The following ZNF285 variants were observed in gnomAD, a reference collection of about 807,000 sequenced individuals.
ZNF285 encodes zinc finger protein 285A.
Under a neutral mutation model 6.2 loss-of-function variants are expected in ZNF285, and 4 were observed. The observed-to-expected ratio is 0.65, with a 90% CI of 0.32 to 1.49. The LOEUF (loss-of-function observed/expected upper bound fraction) is 1.49. ZNF285 is among the 40% of genes most tolerant of loss of function. ZNF285 has a pLI of 0.07. For missense variants in ZNF285, 695 were observed against 708.8 expected, an observed-to-expected ratio of 0.98 and a Z score of 0.22; for synonymous variants, 240 against 245.8, an observed-to-expected ratio of 0.98 and a Z score of 0.22.
At chr19:44,390,709 T>C (rs1971179030) in intron 3 of ZNF285, among the ~76,000 whole-genome samples, 1 of 151,838 alleles carries the variant, frequency 6.6e-6, no homozygotes, top group Non-Finnish European at 1.5e-5. Context: ...TCTGGCTGTG[T>C]CCCCACCCAA....
chr19:44,385,991 A>T lies in ZNF285; in HGVS notation c.*481T>A, dbSNP rs1971061974. 1 of 163,486 alleles carries T rather than the reference A, an allele frequency of 6.1e-6. No homozygotes were observed. The highest frequency in any genetic ancestry group is 2.4e-5 in the African/African-American group (1 of 41,518). The allele number at this position is 163,486 out of a possible 1,614,324, so 10.1% of individuals were successfully genotyped here. ...CTTCTATGGAGCTTCTTGCCTGTGT[A>T]GAGAATCTCATGGAAAACCTGGGTA... On this transcript the variant is annotated 3_prime_UTR_variant, in exon 4 of 4. Coordinates refer to ENST00000614994, the MANE Select transcript of ZNF285 (RefSeq NM_152354.6).
At position 44,382,586 on chromosome 19, in the gene ZNF285, T is replaced by C. The variant is rs1365727316; in HGVS notation, c.*3886A>G. ...GTGCTGGGATTAGGACTAAGTTTTA[T>C]AGGGAAAACATGTAAGCTAAGGGTC... On this transcript the variant is annotated 3_prime_UTR_variant, in exon 4 of 4. Transcript: ENST00000614994. The C allele has an allele frequency of 1.3e-5, 2 of 151,850 alleles. No homozygotes were observed. The highest frequency in any genetic ancestry group is 4.8e-5 in the African/African-American group (2 of 41,250). The allele number at this position is 151,850 out of a possible 1,614,324, so 9.4% of individuals were successfully genotyped here.
At chr19:44,399,828 G>A (rs201967803) in intron 1 of ZNF285, among the ~76,000 whole-genome samples, 1 of 152,116 alleles carries the variant, frequency 6.6e-6, no homozygotes, top group East Asian at 1.9e-4. Context: ...CTATCCTGGG[G>A]AGTGACAGGG....
chr19:44,386,909 G>A lies in ZNF285; in HGVS notation c.1336C>T (p.His446Tyr), dbSNP rs751126010. 56 of 1,614,058 alleles carry A rather than the reference G, an allele frequency of 3.5e-5. No homozygotes were observed. Among genetic ancestry groups the A allele is most frequent in the Admixed American group, 8.3e-5 (5 of 59,992 alleles). The change falls in exon 4 of 4, where the codon CAC (histidine) becomes TAC (tyrosine). Residue 446 changes from histidine (H) to tyrosine (Y), a missense_variant. Transcript: ENST00000614994. ...TTCTCCCCTGTGTGGACTCTCTGGT[G>A]AATGTGAAGGTGTGTACATTGGCTG... Reference protein sequence around the residue: ...GFSQCTHLHIHQRVHTGEKPY... With the variant: ...GFSQCTHLHIYQRVHTGEKPY...
Position 44,401,206 on chromosome 19 carries a change from T to C in ZNF285, c.-44+362A>G, listed in dbSNP as rs150719240. ...CAGTCCAGCCATTACTCCAAAACCC[T>C]GAGCCAGCGCCCCTCTGCCCTCATC... is the stretch of plus-strand genomic sequence containing the variant. On this transcript the variant is annotated intron_variant, in intron 1 of 3. Transcript: ENST00000614994. 7.1e-3 allele frequency among the ~76,000 whole-genome samples: 1,088 copies of C among 152,240 alleles called. 16 individuals are homozygous for C. The highest frequency in any genetic ancestry group is 0.027 in the Middle Eastern group (8 of 294).
At chr19:44,388,146 T>A (rs1209777091) in intron 3 of ZNF285, 44 bp from the exon 4 acceptor site, 1 of 1,567,476 alleles carries the variant, frequency 6.4e-7, no homozygotes, top group South Asian at 1.2e-5. Context: ...AAGTCAATCA[T>A]CCATCCAGAG....
In ZNF285 at chr19:44,386,783, C is replaced by T. The variant is rs1447125576; in HGVS notation, c.1462G>A (p.Val488Met). The change falls in exon 4 of 4, where the codon GTG (valine) becomes ATG (methionine). Residue 488 changes from valine to methionine, a missense_variant. Transcript: ENST00000614994. Reference sequence around the variant, plus strand: ...CTGTAACTGAAGCACTTTCCACACACTTCACATTTATATGGTTTTTCTCCA... The same window carrying T: ...CTGTAACTGAAGCACTTTCCACACATTTCACATTTATATGGTTTTTCTCCA... Reference protein sequence around the residue: ...HTGEKPYKCEVCGKCFSYSSY... With the variant: ...HTGEKPYKCEMCGKCFSYSSY... The T allele has an allele frequency of 3.1e-6, 5 of 1,614,124 alleles. No individual in the cohort carries two copies. The highest frequency in any genetic ancestry group is 3.4e-6 in the Non-Finnish European group (4 of 1,180,056).
rs1303731256 is a variant in ZNF285, at chr19:44,392,457, T to A, written c.25A>T (p.Thr9Ser). 6.2e-7 allele frequency: 1 copy of A among 1,613,868 alleles called. No homozygotes were observed. The highest frequency in any genetic ancestry group is 2.2e-5 in the East Asian group (1 of 44,882). The change falls in exon 3 of 4, where the codon ACA (threonine) becomes TCA (serine). Residue 9 changes from threonine to serine, a missense_variant. Transcript: ENST00000614994. ...AAGACAACAGCCACATCCTTGAATG[T>A]CACCCTTTCCTAAAACATCAACCAC... MIKFQERV[T>S]FKDVAVVFTK...
chr19:44,387,328 T>C lies in ZNF285; in HGVS notation c.917A>G (p.Tyr306Cys). 6.2e-7 allele frequency: 1 copy of C among 1,614,236 alleles called. No individual in the cohort carries two copies. Among genetic ancestry groups the C allele is most frequent in the Non-Finnish European group, 8.5e-7 (1 of 1,180,038 alleles). ...GCKQSSDLPRYQKVSSGDKPY... is the reference protein window; with the variant it reads ...GCKQSSDLPRCQKVSSGDKPY... The stretch of plus-strand genomic sequence containing the variant: ...TTTGTCTCCTGAGGAGACTTTCTGA[T>C]ATCTGGGAAGGTCTGAGCTCTGTTT... Residue 306 changes from tyrosine (Y) to cysteine (C), a missense_variant, in exon 4 of 4, where the codon TAT becomes TGT. Coordinates refer to ENST00000614994, the MANE Select transcript of ZNF285 (RefSeq NM_152354.6).
chr19:44,386,772 C>T lies in ZNF285; in HGVS notation c.1473G>A (p.Lys491=), dbSNP rs746611149. 2 of 1,614,222 alleles carry T rather than the reference C, an allele frequency of 1.2e-6. No individual in the cohort carries two copies. Among genetic ancestry groups the T allele is most frequent in the South Asian group, 1.1e-5 (1 of 91,088 alleles). Residue 491 remains lysine (K), a synonymous_variant, in exon 4 of 4, where the codon AAG becomes AAA. Transcript: ENST00000614994. ...EKPYKCEVCG[K]CFSYSSYFHL... Reference sequence around the variant, plus strand: ...GAAAATATGAACTGTAACTGAAGCACTTTCCACACACTTCACATTTATATG... The same window carrying T: ...GAAAATATGAACTGTAACTGAAGCATTTTCCACACACTTCACATTTATATG...
Position 44,388,119 on chromosome 19 carries a change from A to G in ZNF285, c.143-17T>C. 6.2e-7 allele frequency: 1 copy of G among 1,600,998 alleles called. No homozygotes were observed. The highest frequency in any genetic ancestry group is 2.2e-5 in the East Asian group (1 of 44,794). On this transcript the variant is annotated splice_polypyrimidine_tract_variant and intron_variant, in intron 3 of 3. Coordinates refer to ENST00000614994, the MANE Select transcript of ZNF285 (RefSeq NM_152354.6). ...TCCCGTCTCCTAGGAGAAGAAAGAGAATTTGGCTAAGAGAACAAGTCAATC... is the reference window on the plus strand; with the variant it reads ...TCCCGTCTCCTAGGAGAAGAAAGAGGATTTGGCTAAGAGAACAAGTCAATC...
chr19:44,393,703 CAAT>C (rs1425550339), intron 2 of ZNF285, among the ~76,000 whole-genome samples: 6 of 152,110 alleles, frequency 3.9e-5, no homozygotes, highest in African/African-American at 1.5e-4. Flanking sequence ...ATCAAAACCA[CAAT>C]GAGATACCAT....
At chr19:44,388,147 C>A (rs1268100132) in intron 3 of ZNF285, 45 bp from the exon 4 acceptor site, 1 of 1,564,538 alleles carries the variant, frequency 6.4e-7, no homozygotes, top group South Asian at 1.2e-5. Flanking sequence ...AGTCAATCAT[C>A]CATCCAGAGG....
rs1441796140 is a variant in ZNF285 at position 44,385,663 on chromosome 19, CT to C, written c.*808del. The C allele has an allele frequency of 1.3e-5, 2 of 152,156 alleles. No homozygotes were observed. Among genetic ancestry groups the C allele is most frequent in the East Asian group, 3.8e-4 (2 of 5,198 alleles). 9.4% of individuals were successfully genotyped at this position (152,156 alleles called of 1,614,324 possible). On this transcript the variant is annotated 3_prime_UTR_variant, in exon 4 of 4. Transcript: ENST00000614994. ...AATCTCAGTGGTGAGACACAATGAA[CT>C]TTTATTTCTTACTCTAAAAAGAAAT... is the stretch of plus-strand genomic sequence containing the variant.
chr19:44,401,073 TGCTGAG>T (rs1971367351), intron 1 of ZNF285, among the ~76,000 whole-genome samples: 1 of 151,828 alleles, frequency 6.6e-6, no homozygotes, highest in African/African-American at 2.4e-5. Flanking sequence ...AACCTAGGGG[TGCTGAG>T]CCAGAATCGC....
In ZNF285 at chr19:44,383,572, C is replaced by A. The variant is rs1474344177; in HGVS notation, c.*2900G>T. On this transcript the variant is annotated 3_prime_UTR_variant, in exon 4 of 4. Transcript: ENST00000614994. The stretch of plus-strand genomic sequence containing the variant: ...TTAAGATAATCTAGCATGTCCCACA[C>A]CAGAACTGCCCAGCTAAGCCCAGTT... The A allele has an allele frequency of 2.0e-5, 3 of 152,188 alleles. No homozygotes were observed. Among genetic ancestry groups the A allele is most frequent in the Non-Finnish European group, 4.4e-5 (3 of 68,058 alleles). The allele number at this position is 152,188 out of a possible 1,614,324, so 9.4% of individuals were successfully genotyped here.
Position 44,392,464 on chromosome 19 carries a change from T to C in ZNF285, c.18A>G (p.Glu6=). MIKFQ[E]RVTFKDVAVV... is the part of the protein sequence containing the mutation. ...CAGCCACATCCTTGAATGTCACCCT[T>C]TCCTAAAACATCAACCACATGCCAC... Residue 6 remains glutamate, a splice_region_variant and synonymous_variant, in exon 3 of 4, where the codon GAA becomes GAG. Coordinates refer to ENST00000614994, the MANE Select transcript of ZNF285 (RefSeq NM_152354.6). 1 of 1,613,842 alleles carries C rather than the reference T, an allele frequency of 6.2e-7. No homozygotes were observed. The highest frequency in any genetic ancestry group is 1.1e-5 in the South Asian group (1 of 91,078).
Position 44,383,527 on chromosome 19 carries a change from G to C in ZNF285, c.*2945C>G, listed in dbSNP as rs543169147. 1 of 152,316 alleles carries C rather than the reference G, an allele frequency of 6.6e-6. No individual in the cohort carries two copies. The highest frequency in any genetic ancestry group is 2.4e-5 in the African/African-American group (1 of 41,562). 9.4% of individuals were successfully genotyped at this position (152,316 alleles called of 1,614,324 possible). On this transcript the variant is annotated 3_prime_UTR_variant, in exon 4 of 4. Transcript: ENST00000614994. ...CCAGATGAACCATCAGCTGACTGCA[G>C]ATGCATGTACAAAGCCCAGTTAAGA...
intron 1 of ZNF285, among the ~76,000 whole-genome samples, chr19:44,399,059 C>A (rs1044670637): frequency 1.3e-5 from 2 of 151,556 alleles, no homozygotes; most frequent in South Asian, 4.2e-4. Context: ...AAATTTTCAA[C>A]ATCTACACTC....
Sources: gnomAD v4.1 joint callset for allele counts (sites outside exome capture counted in the v4.1 genomes callset) on GRCh38, gnomAD v4.1.1 for gene constraint, MANE v1.5 for transcripts, NCBI Gene and HGNC (gene_info 2026-07-23, HGNC 2026-07-21) for gene names.